MPDZ: variants seen among roughly 807,000 people sequenced by gnomAD.
The protein encoded by MPDZ is multiple PDZ domain protein.
In MPDZ, 234 loss-of-function variants were observed where a neutral mutation model predicts 239.1. That is an observed-to-expected ratio of 0.98 (90% CI 0.88 to 1.09). The LOEUF is 1.09. Among genes scored for constraint, MPDZ ranks in the 50% least tolerant of loss-of-function variants. The pLI is 0.00. For missense variants in MPDZ, 3,175 were observed against 2,510.0 expected, an observed-to-expected ratio of 1.26 and a Z score of -5.66; for synonymous variants, 1,048 against 881.3, an observed-to-expected ratio of 1.19 and a Z score of -3.35.
intron 45 of MPDZ, 124 bp from the exon 46 acceptor site, chr9:13,109,183 A>T: frequency 2.5e-6 from 2 of 798,526 alleles, no homozygotes; most frequent in Non-Finnish European, 3.3e-6. Flanking sequence ...CAAGGAGTAT[A>T]TTACGGGTAT....
chr9:13,231,360 G>A (rs1962390571), intron 3 of MPDZ, among the ~76,000 whole-genome samples: 1 of 152,064 alleles, frequency 6.6e-6, no homozygotes, highest in Non-Finnish European at 1.5e-5. Flanking sequence ...GAGGCCAGGA[G>A]TTCGAGACCA....
At position 13,131,659 on chromosome 9, in the gene MPDZ, C is replaced by T. The variant is rs139200649; in HGVS notation, c.4464+2165G>A. Among the ~76,000 whole-genome samples, 9 of 152,290 alleles carry T rather than the reference C, an allele frequency of 5.9e-5. No homozygotes were observed. In the East Asian group the frequency reaches 1.7e-3, roughly 29 times the overall value. On this transcript the variant is annotated intron_variant, in intron 32 of 46. Coordinates refer to ENST00000319217, the MANE Select transcript of MPDZ (RefSeq NM_001378778.1). ...TTCAGCAAGAAATTCTGAGACGTGA[C>T]CAGCTACATGTCTTTATCCCTGCTA...
rs890611327 is a variant in MPDZ, at chr9:13,223,761, G to T, written c.394-51C>A. 3.9e-6 allele frequency: 6 copies of T among 1,524,582 alleles called. No individual in the cohort carries two copies. In the East Asian group the frequency reaches 1.5e-4, roughly 38 times the overall value. The allele number at this position is 1,524,582 out of a possible 1,614,324, so 94.4% of individuals were successfully genotyped here. On this transcript the variant is annotated intron_variant, in intron 4 of 46. Transcript: ENST00000319217. ...AAAACTAAAAGCCAGGCCATGCATG[G>T]TGGTTCACGCCTGTAATCCCAGCAC...
chr9:13,187,599 T>C (rs1954297994), intron 17 of MPDZ, among the ~76,000 whole-genome samples: 1 of 152,194 alleles, frequency 6.6e-6, no homozygotes. Context: ...AAATATATTT[T>C]AATAGGCTAC....
intron 1 of MPDZ, among the ~76,000 whole-genome samples, chr9:13,263,394 CAAAAA>C (rs1218234444): frequency 3.8e-5 from 3 of 79,438 alleles, no homozygotes; most frequent in Non-Finnish European, 5.6e-5. Flanking sequence ...CCTTGTTTGG[CAAAAA>C]AAAAAAAAAA....
intron 12 of MPDZ, among the ~76,000 whole-genome samples, chr9:13,197,505 T>C (rs1022709325): frequency 2.6e-5 from 4 of 152,154 alleles, no homozygotes; most frequent in Non-Finnish European, 4.4e-5. Context: ...TACATATTTA[T>C]AGGGTATATG....
intron 34 of MPDZ, 60 bp from the exon 35 acceptor site, chr9:13,125,450 A>G (rs1021686466): frequency 1.5e-5 from 21 of 1,442,672 alleles, no homozygotes; most frequent in Non-Finnish European, 2.0e-5. Context: ...TAGACATACC[A>G]ATGAGTCACC....
intron 5 of MPDZ, among the ~76,000 whole-genome samples, chr9:13,222,956 A>G (rs1335995108): frequency 6.6e-6 from 1 of 151,872 alleles, no homozygotes; most frequent in Non-Finnish European, 1.5e-5. Flanking sequence ...AAATATACTC[A>G]AAAAAAATAA....
chr9:13,268,493 G>A (rs1296878215), intron 1 of MPDZ, among the ~76,000 whole-genome samples: 3 of 152,138 alleles, frequency 2.0e-5, no homozygotes, highest in Non-Finnish European at 4.4e-5. Context: ...AAAGAAGAAT[G>A]AGGATAACTA....
chr9:13,144,015 C>A (rs1038709502), intron 26 of MPDZ, among the ~76,000 whole-genome samples: 1 of 151,930 alleles, frequency 6.6e-6, no homozygotes, highest in African/African-American at 2.4e-5. Context: ...TCTGCTAGTT[C>A]ACTGGCAACC....
At chr9:13,158,722 C>T (rs1393844794) in intron 23 of MPDZ, among the ~76,000 whole-genome samples, 1 of 152,168 alleles carries the variant, frequency 6.6e-6, no homozygotes, top group Non-Finnish European at 1.5e-5. Context: ...TTCAAGGTCA[C>T]CTTCCGTTTA....
intron 28 of MPDZ, among the ~76,000 whole-genome samples, chr9:13,139,379 C>T (rs184169851): frequency 2.4e-4 from 36 of 152,266 alleles, no homozygotes; most frequent in Admixed American, 1.4e-3. Context: ...CCCTATTGGT[C>T]CTAATAACAG....
Position 13,140,092 on chromosome 9 carries a change from G to GT in MPDZ, c.3897dup (p.Pro1300ThrfsTer11), listed in dbSNP as rs1563886845. On this transcript the variant is annotated frameshift_variant, in exon 28 of 47. Coordinates refer to ENST00000319217, the MANE Select transcript of MPDZ (RefSeq NM_001378778.1). LOFTEE classifies it high-confidence loss of function. ...ATTTCGGCAAAGGCTGAAGGAGGGGGTGGGGGCACACTGCACAATGGAGCC... is the reference window on the plus strand; with the variant it reads ...ATTTCGGCAAAGGCTGAAGGAGGGGGTTGGGGGCACACTGCACAATGGAGCC... 6.2e-7 allele frequency: 1 copy of GT among 1,613,236 alleles called. No homozygotes were observed. The highest frequency in any genetic ancestry group is 2.2e-5 in the East Asian group (1 of 44,710).
At chr9:13,218,845 G>A (rs1302239032) in intron 8 of MPDZ, among the ~76,000 whole-genome samples, 2 of 151,850 alleles carry the variant, frequency 1.3e-5, no homozygotes, top group Admixed American at 1.3e-4. Context: ...GTAGTCTTGC[G>A]ACCTGTAAAT....
At chr9:13,110,505 C>G in intron 44 of MPDZ, 131 bp downstream of exon 44, 1 of 697,706 alleles carries the variant, frequency 1.4e-6, no homozygotes. Flanking sequence ...TTAATTTAAT[C>G]ATTTATGTTC....
chr9:13,182,635 T>C (rs186853946), intron 19 of MPDZ, among the ~76,000 whole-genome samples: 1 of 152,178 alleles, frequency 6.6e-6, no homozygotes, highest in East Asian at 1.9e-4. Flanking sequence ...AGATCTTTGA[T>C]GAAAAGTGAA....
chr9:13,115,411 C>A, intron 39 of MPDZ, 77 bp from the exon 40 acceptor site: 1 of 1,203,422 alleles, frequency 8.3e-7, no homozygotes, highest in Non-Finnish European at 1.2e-6. Flanking sequence ...ATACATTTTA[C>A]TCTTCAAGAC....
intron 39 of MPDZ, among the ~76,000 whole-genome samples, chr9:13,116,365 GATAA>G (rs1182388054): frequency 6.6e-6 from 1 of 152,098 alleles, no homozygotes; most frequent in African/African-American, 2.4e-5. Flanking sequence ...AGGTTGTTGA[GATAA>G]ATAAACCATG....
intron 26 of MPDZ, among the ~76,000 whole-genome samples, chr9:13,147,214 T>C (rs930945431): frequency 6.6e-6 from 1 of 152,050 alleles, no homozygotes; most frequent in Non-Finnish European, 1.5e-5. Flanking sequence ...AGATCACAGA[T>C]GATTAACCTG....
Sources: gnomAD v4.1 joint callset for allele counts (sites outside exome capture counted in the v4.1 genomes callset) on GRCh38, gnomAD v4.1.1 for gene constraint, MANE v1.5 for transcripts, NCBI Gene and HGNC (gene_info 2026-07-23, HGNC 2026-07-21) for gene names.